CSMD1: variants seen among roughly 807,000 people sequenced by gnomAD.
CSMD1 encodes CUB and Sushi multiple domains 1, also known as CUB and sushi domain-containing protein 1.
Under a neutral mutation model 417.5 loss-of-function variants are expected in CSMD1, and 213 were observed. The ratio of observed to expected loss-of-function variants is 0.51; its 90% confidence interval spans 0.46 to 0.57. The LOEUF (loss-of-function observed/expected upper bound fraction) is 0.57. CSMD1 is among the 20% of genes least tolerant of loss of function. The probability of loss-of-function intolerance (pLI) is 0.00; values close to 1 mark genes in which losing one functional copy is unlikely to be tolerated. For missense variants in CSMD1, 6,923 were observed against 4,529.7 expected (o/e 1.53, Z -15.17); for synonymous variants, 2,862 against 1,736.8 (o/e 1.65, Z -16.11).
At chr8:3,471,840 T>A (rs1817123182) in intron 11 of CSMD1, among the ~76,000 whole-genome samples, 1 of 152,226 alleles carries the variant, frequency 6.6e-6, no homozygotes, top group South Asian at 2.1e-4. Context: ...ACTGTTTTAA[T>A]ATTACACAGT....
intron 12 of CSMD1, among the ~76,000 whole-genome samples, chr8:3,414,928 G>C (rs1016274480): frequency 2.0e-5 from 3 of 152,040 alleles, no homozygotes; most frequent in Non-Finnish European, 4.4e-5. Context: ...TCTCTTTTCT[G>C]CGGCAAGACC....
intron 7 of CSMD1, among the ~76,000 whole-genome samples, chr8:3,632,933 G>T (rs990004715): frequency 2.0e-5 from 3 of 152,190 alleles, no homozygotes; most frequent in African/African-American, 4.8e-5. Context: ...AAATTATAAT[G>T]ATCATTTCAG....
chr8:4,927,434 A>G (rs1420642135), intron 1 of CSMD1, among the ~76,000 whole-genome samples: 1 of 152,168 alleles, frequency 6.6e-6, no homozygotes, highest in Non-Finnish European at 1.5e-5. Context: ...GCACAGTGTG[A>G]AAGTTTAATG....
chr8:3,720,462 CT>C (rs758362354), intron 6 of CSMD1, among the ~76,000 whole-genome samples: 1 of 152,178 alleles, frequency 6.6e-6, no homozygotes, highest in Non-Finnish European at 1.5e-5. Flanking sequence ...TACATGTGTC[CT>C]TTCAGATCTG....
chr8:4,251,549 A>C (rs1430419233), intron 3 of CSMD1, among the ~76,000 whole-genome samples: 4 of 152,208 alleles, frequency 2.6e-5, no homozygotes, highest in Middle Eastern at 3.2e-3. Flanking sequence ...TAAGCAATTT[A>C]ATCAGGGCAG....
chr8:4,250,754 A>G (rs1803010990), intron 3 of CSMD1, among the ~76,000 whole-genome samples: 1 of 152,182 alleles, frequency 6.6e-6, no homozygotes. Flanking sequence ...AAAACTGTAA[A>G]TATGTATAAA....
At chr8:3,265,752 G>C (rs1041829579) in intron 26 of CSMD1, among the ~76,000 whole-genome samples, 3 of 152,108 alleles carry the variant, frequency 2.0e-5, no homozygotes, top group Non-Finnish European at 4.4e-5. Context: ...CCTTCTGCCA[G>C]CATGGCCTTT....
At chr8:3,251,493 A>G (rs192953799) in intron 26 of CSMD1, among the ~76,000 whole-genome samples, 3 of 152,306 alleles carry the variant, frequency 2.0e-5, no homozygotes, top group Admixed American at 1.3e-4. Flanking sequence ...GAAGTCAGGT[A>G]GCATGATGCC....
chr8:3,156,288 T>C (rs1046239380), intron 39 of CSMD1, among the ~76,000 whole-genome samples: 52 of 152,202 alleles, frequency 3.4e-4, no homozygotes, highest in African/African-American at 1.1e-3. Context: ...TCGAAGACTG[T>C]GGGGAACAAT....
chr8:4,119,547 G>A (rs925047722), intron 3 of CSMD1, among the ~76,000 whole-genome samples: 7 of 151,654 alleles, frequency 4.6e-5, no homozygotes, highest in African/African-American at 1.2e-4. Flanking sequence ...AAGTTTAGAT[G>A]AGGCCTTAAG....
chr8:4,034,248 T>A (rs1000784726), intron 3 of CSMD1, among the ~76,000 whole-genome samples: 1 of 152,192 alleles, frequency 6.6e-6, no homozygotes, highest in African/African-American at 2.4e-5. Flanking sequence ...CAGAACTATA[T>A]AGAAATATTT....
At chr8:3,027,891 G>C (rs932897559) in intron 51 of CSMD1, among the ~76,000 whole-genome samples, 2 of 152,238 alleles carry the variant, frequency 1.3e-5, no homozygotes, top group Non-Finnish European at 2.9e-5. Flanking sequence ...AATGAGTTTA[G>C]TTCAGGAATG....
At chr8:4,184,009 G>C (rs977372939) in intron 3 of CSMD1, among the ~76,000 whole-genome samples, 3 of 152,048 alleles carry the variant, frequency 2.0e-5, no homozygotes, top group South Asian at 4.1e-4. Context: ...ACATGACAAG[G>C]GTACAGTTAA....
At position 4,774,829 on chromosome 8, in the gene CSMD1, A is replaced by T. The variant is rs569340793; in HGVS notation, c.86-137271T>A. Among the ~76,000 whole-genome samples the T allele has an allele frequency of 2.2e-3, 312 of 143,870 alleles. 2 individuals carry two copies. Among genetic ancestry groups the T allele is most frequent in the African/African-American group, 8.9e-3 (298 of 33,632 alleles). 94.4% of individuals were successfully genotyped at this position (143,870 alleles called of 152,430 possible). A position where few individuals can be genotyped will look rare whatever the true frequency, so the allele number is the denominator to read the frequency against. The stretch of plus-strand genomic sequence containing the variant: ...CACTCGCTCTTTCTCTCTTCCTCCT[A>T]CTGGAGGCATGTGAAGTGTTGATTC... On this transcript the variant is annotated intron_variant, in intron 1 of 69. Transcript: ENST00000635120.
rs919080449 is a variant in CSMD1, at chr8:4,184,247, A to G, written c.416-152148T>C. ...AGCAGAGACAATATATTTATTTAGC[A>G]TTCAGCACAGCCCATATGCTCATTT... On this transcript the variant is annotated intron_variant, in intron 3 of 69. Coordinates refer to ENST00000635120, the MANE Select transcript of CSMD1 (RefSeq NM_033225.6). 3.0e-4 allele frequency among the ~76,000 whole-genome samples: 46 copies of G among 152,230 alleles called. 1 individual carries two copies. Among genetic ancestry groups the G allele is most frequent in the Non-Finnish European group, 4.4e-5 (3 of 68,038 alleles).
At chr8:3,649,821 G>C (rs1310809165) in intron 7 of CSMD1, among the ~76,000 whole-genome samples, 2 of 152,098 alleles carry the variant, frequency 1.3e-5, no homozygotes, top group African/African-American at 4.8e-5. Context: ...AGTATAAGTG[G>C]TCAGATTTTG....
chr8:3,157,863 C>T (rs771777566), intron 39 of CSMD1, 34 bp downstream of exon 39: 40 of 1,512,616 alleles, frequency 2.6e-5, no homozygotes, highest in Middle Eastern at 1.7e-4. Flanking sequence ...CCAGTGTGTG[C>T]GCAGCAGCAG....
chr8:4,684,721 T>C (rs1563138120), intron 1 of CSMD1, among the ~76,000 whole-genome samples: 2 of 152,206 alleles, frequency 1.3e-5, no homozygotes, highest in Admixed American at 1.3e-4. Flanking sequence ...GAATGAAGGA[T>C]AGCTGTAAAA....
At chr8:4,083,825 G>A (rs1459066098) in intron 3 of CSMD1, among the ~76,000 whole-genome samples, 1 of 152,110 alleles carries the variant, frequency 6.6e-6, no homozygotes, top group Non-Finnish European at 1.5e-5. Context: ...GGCAACAAAA[G>A]CCAAAATTGA....
Sources: allele counts gnomAD v4.1 joint callset (sites outside exome capture counted in the v4.1 genomes callset), GRCh38; gene constraint gnomAD v4.1.1; transcripts MANE v1.5; gene names NCBI Gene and HGNC (gene_info 2026-07-23, HGNC 2026-07-21).